The following OR2AT4 variants were observed in gnomAD, a reference collection of about 807,000 sequenced individuals.
OR2AT4 encodes the protein olfactory receptor 2AT4.
A neutral mutation model predicts 10.3 loss-of-function variants in OR2AT4; 6 were observed. The observed-to-expected ratio is 0.58, with a 90% CI of 0.32 to 1.15. The LOEUF (loss-of-function observed/expected upper bound fraction) is 1.15. Ranked by LOEUF, OR2AT4 falls within the 50% of genes most tolerant of loss-of-function variation. OR2AT4 has a pLI of 0.05. For synonymous variants in OR2AT4, 145 were observed against 159.1 expected (o/e 0.91, Z 0.67); for missense variants, 354 against 393.8 (o/e 0.90, Z 0.85).
chr11:75,091,958 C>A (rs888535798), intron 1 of OR2AT4, among the ~76,000 whole-genome samples: 2 of 152,188 alleles, frequency 1.3e-5, no homozygotes, highest in African/African-American at 4.8e-5. Flanking sequence ...AGGCAGGAAC[C>A]AGACTAGGAG....
chr11:75,089,017 T>G (rs776264577), exon 2 of OR2AT4: 1 of 1,614,098 alleles, frequency 6.2e-7, no homozygotes, highest in Non-Finnish European at 8.5e-7. Flanking sequence ...AGGGAACTGA[T>G]GCGAAGCACT....
chr11:75,096,212 G>C (rs1373492439), intron 1 of OR2AT4: 1 of 152,138 alleles, frequency 6.6e-6, no homozygotes, highest in Non-Finnish European at 1.5e-5. Context: ...TAAATATTTT[G>C]AGTATCTACT....
exon 2 of OR2AT4, chr11:75,085,810 C>T (rs1376439477): frequency 6.6e-6 from 1 of 151,756 alleles, no homozygotes; most frequent in Non-Finnish European, 1.5e-5. Flanking sequence ...TAACATAGTC[C>T]CTCCCCTCCC....
chr11:75,094,783 C>T (rs1461679887), intron 1 of OR2AT4, among the ~76,000 whole-genome samples: 1 of 152,116 alleles, frequency 6.6e-6, no homozygotes, highest in Non-Finnish European at 1.5e-5. Flanking sequence ...ACACATGGGA[C>T]AGACCACTCC....
intron 1 of OR2AT4, among the ~76,000 whole-genome samples, chr11:75,094,731 G>C (rs1373512107): frequency 1.3e-5 from 2 of 152,210 alleles, no homozygotes; most frequent in Non-Finnish European, 2.9e-5. Context: ...CTGGGCAACA[G>C]AGGGAGACCC....
At chr11:75,083,399 G>A (rs1388349708) in exon 2 of OR2AT4, 1 of 152,134 alleles carries the variant, frequency 6.6e-6, no homozygotes, top group African/African-American at 2.4e-5. Context: ...AAGAACAGGT[G>A]CTGACCAGGC....
chr11:75,092,114 T>C (rs577596188), intron 1 of OR2AT4, among the ~76,000 whole-genome samples: 1 of 152,074 alleles, frequency 6.6e-6, no homozygotes, highest in Non-Finnish European at 1.5e-5. Context: ...AAAGAGAACA[T>C]CCAAATGGCC....
In OR2AT4 at chr11:75,094,460, A is replaced by G. The variant is rs79706476; in HGVS notation, c.-652+2368T>C. Reference sequence around the variant, plus strand: ...CAGGTATAATGTCTTTCTAAAAGACATATGAGGCAGGGCACAGGGGTTCAC... The same window carrying G: ...CAGGTATAATGTCTTTCTAAAAGACGTATGAGGCAGGGCACAGGGGTTCAC... On this transcript the variant is annotated intron_variant, in intron 1 of 1. Coordinates refer to ENST00000641504, the Ensembl canonical transcript of OR2AT4. Among the ~76,000 whole-genome samples the G allele has an allele frequency of 8.3e-4, 127 of 152,374 alleles. 1 individual carries two copies. In the East Asian group the frequency reaches 0.019, roughly 23 times the overall value.
chr11:75,087,649 T>C (rs1949297033), exon 2 of OR2AT4: 1 of 152,230 alleles, frequency 6.6e-6, no homozygotes, highest in Non-Finnish European at 1.5e-5. Context: ...GTGATTTTTC[T>C]TGTCCTTTTA....
At chr11:75,094,909 T>C (rs1949338808) in intron 1 of OR2AT4, among the ~76,000 whole-genome samples, 1 of 152,224 alleles carries the variant, frequency 6.6e-6, no homozygotes, top group Non-Finnish European at 1.5e-5. Context: ...AGACCCAACC[T>C]GCCTAAGCAA....
chr11:75,090,170 ATAAATCAAGTCCTTAAG>A lies in OR2AT4; in HGVS notation c.-474_-458del. On this transcript the variant is annotated 5_prime_UTR_variant, in exon 2 of 2. It removes an upstream start codon present in the reference 5' UTR. Transcript: ENST00000641504. ...GTGGTTTAAGTTGATGTCAGATCTC[ATAAATCAAGTCCTTAAG>A]CTCATGTCTCTACTTTTGTACTCAC... The A allele has an allele frequency of 6.1e-6, 1 of 164,008 alleles. No individual in the cohort carries two copies. The allele number at this position is 164,008 out of a possible 1,614,324, so 10.2% of individuals were successfully genotyped here. A position where few individuals can be genotyped will look rare whatever the true frequency, so the allele number is the denominator to read the frequency against.
chr11:75,089,421 C>T, exon 2 of OR2AT4: 1 of 1,614,118 alleles, frequency 6.2e-7, no homozygotes, highest in Non-Finnish European at 8.5e-7. Context: ...GGAAGAAAAG[C>T]TGAGGAAGCG....
chr11:75,090,726 ATCT>A (rs1489823526), intron 1 of OR2AT4, among the ~76,000 whole-genome samples: 1 of 152,190 alleles, frequency 6.6e-6, no homozygotes, highest in Non-Finnish European at 1.5e-5. Context: ...CCTGTGGGAC[ATCT>A]TCTGAATTCT....
chr11:75,082,132 A>C (rs1949269587), exon 2 of OR2AT4: 2 of 152,206 alleles, frequency 1.3e-5, no homozygotes, highest in African/African-American at 2.4e-5. Flanking sequence ...TTGAAACTCT[A>C]AGGCTACAGT....
intron 1 of OR2AT4, 84 bp downstream of exon 1, chr11:75,096,744 C>T (rs1949350518): frequency 6.6e-6 from 1 of 152,394 alleles, no homozygotes; most frequent in Non-Finnish European, 1.5e-5. Context: ...TGTGGTTGTA[C>T]ATGCCCCCAA....
At chr11:75,087,762 G>A (rs1949297395) in exon 2 of OR2AT4, 1 of 152,170 alleles carries the variant, frequency 6.6e-6, no homozygotes, top group Non-Finnish European at 1.5e-5. Context: ...CCAGGGTCAA[G>A]TGCTTCTGTT....
exon 2 of OR2AT4, chr11:75,088,599 G>C: frequency 1.4e-6 from 1 of 731,880 alleles, no homozygotes; most frequent in East Asian, 3.3e-5. Flanking sequence ...TTTTAGTAAA[G>C]GTTTCTTGAA....
exon 2 of OR2AT4, chr11:75,089,398 T>G (rs767920877): frequency 6.2e-7 from 1 of 1,614,072 alleles, no homozygotes. Context: ...AAGAGGTACA[T>G]CTGCAGTAAG....
exon 2 of OR2AT4, chr11:75,089,992 G>A (rs1949314288): frequency 2.8e-6 from 1 of 357,490 alleles, no homozygotes; most frequent in Non-Finnish European, 5.0e-6. Context: ...AGGTGATGAA[G>A]TGATCAAATT....
Sources: gnomAD v4.1 joint callset for allele counts (sites outside exome capture counted in the v4.1 genomes callset) on GRCh38, gnomAD v4.1.1 for gene constraint, MANE v1.5 for transcripts, NCBI Gene and HGNC (gene_info 2026-07-23, HGNC 2026-07-21) for gene names.